C3orf49: variants seen among roughly 807,000 people sequenced by gnomAD.
C3orf49 encodes the protein putative uncharacterized protein C3orf49.
C3orf49 carries 27 observed loss-of-function variants against 13.3 expected under a neutral mutation model. The ratio of observed to expected loss-of-function variants is 2.02; its 90% CI spans 1.49 to 2.79. The LOEUF is 2.79. C3orf49 is among the 30% of genes most tolerant of loss of function. The pLI is 0.00. For missense variants in C3orf49, 242 were observed against 134.2 expected (o/e 1.80, Z -3.97); for synonymous variants, 87 against 47.6 (o/e 1.83, Z -3.40).
At chr3:63,780,401 G>A in the C3orf49 span, among the ~76,000 whole-genome samples, 4 of 152,226 alleles carry the variant, frequency 2.6e-5, 1 homozygote, top group Middle Eastern at 0.01. Flanking sequence ...TGGACATTTG[G>A]GTTGGTTCCA....
intron 2 of C3orf49, among the ~76,000 whole-genome samples, chr3:63,825,306 C>A (rs1040520253): frequency 6.6e-6 from 1 of 151,424 alleles, no homozygotes; most frequent in African/African-American, 2.4e-5. Context: ...TGTGCTTTTT[C>A]CAGGAAAAAA....
At chr3:63,834,290 G>A in intron 5 of C3orf49, 2 of 1,262,976 alleles carry the variant, frequency 1.6e-6, no homozygotes, top group Admixed American at 3.8e-5. Context: ...TCCTTTATTA[G>A]CCAATACAAT....
chr3:63,825,315 A>T (rs1296854038), intron 2 of C3orf49, among the ~76,000 whole-genome samples: 1 of 152,218 alleles, frequency 6.6e-6, no homozygotes, highest in Non-Finnish European at 1.5e-5. Flanking sequence ...TCCAGGAAAA[A>T]AAAAACAAAA....
the C3orf49 span, among the ~76,000 whole-genome samples, chr3:63,806,947 C>A: frequency 1.3e-5 from 2 of 151,878 alleles, no homozygotes; most frequent in African/African-American, 4.8e-5. Flanking sequence ...AATAAGAATA[C>A]CTCATTTTTT....
At chr3:63,829,484 G>T (rs1241051635) in intron 3 of C3orf49, among the ~76,000 whole-genome samples, 5 of 152,130 alleles carry the variant, frequency 3.3e-5, no homozygotes, top group Non-Finnish European at 7.4e-5. Flanking sequence ...AGGACAATAA[G>T]AATATCTTCA....
intron 5 of C3orf49, chr3:63,838,292 C>T: frequency 9.3e-7 from 1 of 1,073,612 alleles, no homozygotes; most frequent in Non-Finnish European, 1.3e-6. Flanking sequence ...CTTTTACCAC[C>T]AAAGAAAATT....
upstream of C3orf49, among the ~76,000 whole-genome samples, chr3:63,816,934 G>A (rs779692611): frequency 1.3e-5 from 2 of 151,564 alleles, no homozygotes; most frequent in Non-Finnish European, 2.9e-5. Flanking sequence ...TACCACGCCC[G>A]GCTAATTTTT....
the C3orf49 span, among the ~76,000 whole-genome samples, chr3:63,790,074 C>T: frequency 6.6e-6 from 1 of 152,136 alleles, no homozygotes; most frequent in Non-Finnish European, 1.5e-5. Context: ...TAAAGCTAGA[C>T]ACCTCTATGC....
the C3orf49 span, among the ~76,000 whole-genome samples, chr3:63,788,460 G>A: frequency 6.6e-6 from 1 of 152,110 alleles, no homozygotes; most frequent in African/African-American, 2.4e-5. Context: ...GGGTGAAAAC[G>A]TTGTTACGGA....
the C3orf49 span, among the ~76,000 whole-genome samples, chr3:63,789,923 T>C: frequency 1.3e-5 from 2 of 152,046 alleles, no homozygotes; most frequent in Non-Finnish European, 2.9e-5. Flanking sequence ...CACAGTATAT[T>C]AGATCCCTCT....
chr3:63,790,289 AATATTTGTAAT>A, the C3orf49 span, among the ~76,000 whole-genome samples: 2 of 152,206 alleles, frequency 1.3e-5, no homozygotes, highest in Non-Finnish European at 2.9e-5. Context: ...TCTGAAAACA[AATATTTGTAAT>A]ATATGCAGAA....
upstream of C3orf49, among the ~76,000 whole-genome samples, chr3:63,815,771 C>CTTTTTTTTTTTT (rs1227837780): frequency 7.3e-6 from 1 of 136,576 alleles, no homozygotes; most frequent in African/African-American, 2.8e-5. Flanking sequence ...TCTTTTCTTT[C>CTTTTTTTTTTTT]TTTTTTTTTT....
intron 5 of C3orf49, chr3:63,839,564 G>T: frequency 9.7e-7 from 1 of 1,035,318 alleles, no homozygotes; most frequent in Non-Finnish European, 1.5e-6. Flanking sequence ...CATTTAAGGT[G>T]AGTGAAAATT....
intron 5 of C3orf49, chr3:63,839,723 C>T: frequency 1.2e-6 from 2 of 1,613,178 alleles, no homozygotes; most frequent in South Asian, 1.1e-5. Context: ...ATTCTCCGAT[C>T]ATCTCCAGCA....
intron 1 of C3orf49, among the ~76,000 whole-genome samples, chr3:63,822,104 T>C (rs2107095461): frequency 6.6e-6 from 1 of 152,140 alleles, no homozygotes; most frequent in South Asian, 2.1e-4. Context: ...GCCTCCCAAG[T>C]AGCTGGGACT....
the C3orf49 span, among the ~76,000 whole-genome samples, chr3:63,809,719 C>A: frequency 2.0e-5 from 3 of 152,196 alleles, no homozygotes; most frequent in Non-Finnish European, 4.4e-5. Context: ...GCAGTCTGTG[C>A]CACAGAGACT....
At chr3:63,846,850 G>A (rs923403757) in intron 6 of C3orf49, among the ~76,000 whole-genome samples, 6 of 152,050 alleles carry the variant, frequency 3.9e-5, no homozygotes, top group Admixed American at 1.3e-4. Context: ...AACAAGTCCC[G>A]TCCGATCTAC....
At position 63,819,652 on chromosome 3, in the gene C3orf49, T is replaced by A. The variant is rs111373935; in HGVS notation, c.125+56T>A. On this transcript the variant is annotated intron_variant, in intron 1 of 6. Coordinates refer to ENST00000295896, the MANE Select transcript of C3orf49 (RefSeq NM_001355236.2). ...ATGAGAGTCTTTGGGTTTGGCATAGTGGCATGTCCTTTTAAGCATTGCATT... is the reference window on the plus strand; with the variant it reads ...ATGAGAGTCTTTGGGTTTGGCATAGAGGCATGTCCTTTTAAGCATTGCATT... 307 of 700,528 alleles carry A rather than the reference T, an allele frequency of 4.4e-4. 1 individual carries two copies. In the African/African-American group the frequency reaches 4.4e-3, roughly 10 times the overall value. The allele number at this position is 700,528 out of a possible 1,614,324, so 43.4% of individuals were successfully genotyped here.
chr3:63,823,186 G>C (rs532805875), intron 1 of C3orf49, 64 bp from the exon 2 acceptor site: 1 of 601,218 alleles, frequency 1.7e-6, no homozygotes, highest in African/African-American at 1.9e-5. Flanking sequence ...GTGTTTTAAT[G>C]ATTTAAATTT....
Sources: gnomAD v4.1 joint callset for allele counts (sites outside exome capture counted in the v4.1 genomes callset) on GRCh38, gnomAD v4.1.1 for gene constraint, MANE v1.5 for transcripts, NCBI Gene and HGNC (gene_info 2026-07-23, HGNC 2026-07-21) for gene names.